The following CEP83 variants were observed in gnomAD, a reference collection of about 807,000 sequenced individuals.
The protein encoded by CEP83 is centrosomal protein of 83 kDa.
A neutral mutation model predicts 101.9 loss-of-function variants in CEP83; 70 were observed. The ratio of observed to expected loss-of-function variants is 0.69; its 90% CI spans 0.57 to 0.84. The LOEUF is 0.84. Among genes scored for constraint, CEP83 ranks in the 40% least tolerant of loss-of-function variants. The pLI, the probability that CEP83 is intolerant of heterozygous loss-of-function variation, is 0.00. For synonymous variants in CEP83, 264 were observed against 267.9 expected, an observed-to-expected ratio of 0.99 and a Z score of 0.14; for missense variants, 715 against 787.2, an observed-to-expected ratio of 0.91 and a Z score of 1.10.
intron 14 of CEP83, among the ~76,000 whole-genome samples, chr12:94,328,579 T>A (rs1215977380): frequency 6.6e-6 from 1 of 152,198 alleles, no homozygotes; most frequent in African/African-American, 2.4e-5. Context: ...ATCTAAGAAG[T>A]CTGTTGCACT....
the CEP83 span, among the ~76,000 whole-genome samples, chr12:94,278,401 A>G: frequency 6.6e-6 from 1 of 152,256 alleles, no homozygotes; most frequent in South Asian, 2.1e-4. Context: ...GTTCTTAGAC[A>G]AAGTAAACTT....
At chr12:94,385,726 T>C (rs370801210) in intron 6 of CEP83, among the ~76,000 whole-genome samples, 16 of 152,302 alleles carry the variant, frequency 1.1e-4, no homozygotes, top group African/African-American at 3.8e-4. Flanking sequence ...GGATTCTTTG[T>C]TTTCCTTTAC....
chr12:94,306,482 C>T (rs1969031004), downstream of CEP83: 1 of 151,992 alleles, frequency 6.6e-6, no homozygotes, highest in Non-Finnish European at 1.5e-5. Flanking sequence ...TTTTTTAATT[C>T]CTGAATTTTT....
chr12:94,424,919 T>C (rs2065067803), intron 2 of CEP83: 12 of 1,598,694 alleles, frequency 7.5e-6, no homozygotes, highest in South Asian at 1.1e-5. Flanking sequence ...GTTGTTTCTA[T>C]TGTAGCCAAA....
chr12:94,283,842 G>A, the CEP83 span, among the ~76,000 whole-genome samples: 1 of 152,196 alleles, frequency 6.6e-6, no homozygotes, highest in Non-Finnish European at 1.5e-5. Flanking sequence ...CCAGCACTTC[G>A]GGAGGCTGAG....
chr12:94,368,252 A>C (rs751903995), intron 9 of CEP83, 51 bp from the exon 10 acceptor site: 5 of 1,418,746 alleles, frequency 3.5e-6, no homozygotes, highest in Non-Finnish European at 4.8e-6. Flanking sequence ...TATTAAGATG[A>C]AAAATCACAT....
chr12:94,396,345 G>A (rs1486402073), intron 6 of CEP83, among the ~76,000 whole-genome samples: 2 of 147,188 alleles, frequency 1.4e-5, no homozygotes, highest in African/African-American at 5.1e-5. Context: ...CTGGAGTGCG[G>A]TGGCACAATC....
At chr12:94,391,967 T>A (rs772434658) in intron 6 of CEP83, among the ~76,000 whole-genome samples, 7 of 152,110 alleles carry the variant, frequency 4.6e-5, no homozygotes, top group Non-Finnish European at 1.0e-4. Context: ...GCACCCAATA[T>A]AGGAGCACCC....
intron 7 of CEP83, among the ~76,000 whole-genome samples, chr12:94,378,192 G>T (rs2061651326): frequency 6.6e-6 from 1 of 152,152 alleles, no homozygotes; most frequent in Non-Finnish European, 1.5e-5. Context: ...AGAAGAATAA[G>T]TGTATCTGAA....
At chr12:94,325,536 T>C (rs890200492) in intron 14 of CEP83, among the ~76,000 whole-genome samples, 4 of 152,236 alleles carry the variant, frequency 2.6e-5, no homozygotes, top group African/African-American at 9.6e-5. Context: ...CTTTATTCTA[T>C]GTCTCCTAAC....
intron 12 of CEP83, 22 bp from the exon 13 acceptor site, chr12:94,333,661 TA>T (rs765716382): frequency 3.1e-6 from 5 of 1,606,836 alleles, no homozygotes; most frequent in Non-Finnish European, 3.4e-6. Flanking sequence ...AGAAAGAAGA[TA>T]AATTAAAGCC....
Position 94,333,622 on chromosome 12 carries a change from C to G in CEP83, c.1437G>C (p.Gln479His), listed in dbSNP as rs778563759. 4 of 1,612,282 alleles carry G rather than the reference C, an allele frequency of 2.5e-6. No homozygotes were observed. In the African/African-American group the frequency reaches 5.3e-5, roughly 22 times the overall value. ...ACTGTGCAAGTGAAGTCACTTGGATCTGCAAACTACTGATTTGCTTAAAAG... is the reference window on the plus strand; with the variant it reads ...ACTGTGCAAGTGAAGTCACTTGGATGTGCAAACTACTGATTTGCTTAAAAG... The part of the protein sequence containing the change: ...SDLKQQISSL[Q>H]IQVTSLAQSE... Residue 479 changes from glutamine to histidine, a missense_variant, in exon 13 of 17, where the codon CAG (glutamine) becomes CAC (histidine). By Grantham distance (24) the Gln-to-His change is conservative. Coordinates refer to ENST00000397809, the MANE Select transcript of CEP83 (RefSeq NM_016122.3).
At chr12:94,429,409 T>C (rs2065450752) in intron 2 of CEP83, among the ~76,000 whole-genome samples, 1 of 152,180 alleles carries the variant, frequency 6.6e-6, no homozygotes, top group Non-Finnish European at 1.5e-5. Flanking sequence ...GAGCTCACGC[T>C]GGGGCACACC....
chr12:94,338,422 T>C (rs2059539943), intron 11 of CEP83, among the ~76,000 whole-genome samples: 1 of 151,714 alleles, frequency 6.6e-6, no homozygotes, highest in Non-Finnish European at 1.5e-5. Flanking sequence ...ACTCAAACAA[T>C]GAACTGGAAG....
At chr12:94,354,379 T>G (rs1267900126) in intron 11 of CEP83, among the ~76,000 whole-genome samples, 2 of 151,748 alleles carry the variant, frequency 1.3e-5, no homozygotes, top group African/African-American at 4.8e-5. Context: ...AGGGACAAGG[T>G]TTCACCATTT....
At chr12:94,297,105 T>C in the CEP83 span, 56 of 1,325,138 alleles carry the variant, frequency 4.2e-5, no homozygotes, top group Non-Finnish European at 5.9e-5. Flanking sequence ...ACAGCACAAA[T>C]GGGGCCTTTT....
Position 94,330,343 on chromosome 12 carries a change from TG to T in CEP83, c.1707+1356del, listed in dbSNP as rs373977051. Among the ~76,000 whole-genome samples, 140 of 152,224 alleles carry T rather than the reference TG, an allele frequency of 9.2e-4. 1 individual carries two copies. Among genetic ancestry groups the T allele is most frequent in the East Asian group, 5.0e-3 (26 of 5,188 alleles). On this transcript the variant is annotated intron_variant, in intron 14 of 16. Transcript: ENST00000397809. ...TCTAATCCTGTTGAAAAGATTACCATGTCCTTCCCCTCCCTTAATCACCACC... is the reference window on the plus strand; with the variant it reads ...TCTAATCCTGTTGAAAAGATTACCATTCCTTCCCCTCCCTTAATCACCACC...
the CEP83 span, among the ~76,000 whole-genome samples, chr12:94,266,369 G>A: frequency 3.0e-4 from 46 of 152,276 alleles, no homozygotes; most frequent in Middle Eastern, 3.4e-3. Context: ...ACTTCTCAGC[G>A]TTCTGAATTG....
At chr12:94,348,751 T>C (rs928247302) in intron 11 of CEP83, among the ~76,000 whole-genome samples, 1 of 152,150 alleles carries the variant, frequency 6.6e-6, no homozygotes, top group African/African-American at 2.4e-5. Flanking sequence ...CATTGAAAAC[T>C]GCAATGCCCG....
Sources: allele counts gnomAD v4.1 joint callset (sites outside exome capture counted in the v4.1 genomes callset), GRCh38; gene constraint gnomAD v4.1.1; transcripts MANE v1.5; gene names NCBI Gene and HGNC (gene_info 2026-07-23, HGNC 2026-07-21).